ENOX1: variants seen among roughly 807,000 people sequenced by gnomAD.
The protein encoded by ENOX1 is ecto-NOX disulfide-thiol exchanger 1.
In ENOX1, 42 loss-of-function variants were observed where a neutral mutation model predicts 82.5. The ratio of observed to expected loss-of-function variants is 0.51; its 90% confidence interval spans 0.40 to 0.66. The LOEUF (loss-of-function observed/expected upper bound fraction) is 0.66. Ranked by LOEUF, ENOX1 falls within the 30% of genes least tolerant of loss-of-function variation. The pLI, the probability that ENOX1 is intolerant of heterozygous loss-of-function variation, is 0.00. For synonymous variants in ENOX1, 271 were observed against 282.2 expected (o/e 0.96, Z 0.40); for missense variants, 608 against 811.6 (o/e 0.75, Z 3.05).
Position 43,402,868 on chromosome 13 carries a change from A to C in ENOX1, c.208+9048T>G, listed in dbSNP as rs79221595. Among the ~76,000 whole-genome samples the C allele has an allele frequency of 2.5e-3, 378 of 152,234 alleles. 1 individual carries two copies. The highest frequency in any genetic ancestry group is 4.6e-3 in the Non-Finnish European group (314 of 68,002). On this transcript the variant is annotated intron_variant, in intron 5 of 16. Coordinates refer to ENST00000690772, the MANE Select transcript of ENOX1 (RefSeq NM_001347969.2). ...TGGCTTTTCTTTCTACTCTCTGCTG[A>C]ATTAGAATGTCCACTCTGAGCAGAG...
chr13:43,754,217 G>A (rs1024885718), intron 1 of ENOX1, among the ~76,000 whole-genome samples: 1 of 145,504 alleles, frequency 6.9e-6, no homozygotes, highest in Non-Finnish European at 1.5e-5. Context: ...ATATATGTGT[G>A]TACATACATG....
chr13:43,636,038 G>C (rs1319915398), intron 2 of ENOX1, among the ~76,000 whole-genome samples: 1 of 152,122 alleles, frequency 6.6e-6, no homozygotes, highest in Non-Finnish European at 1.5e-5. Flanking sequence ...GCTAGGTAGG[G>C]CTTCATTCCT....
intron 2 of ENOX1, among the ~76,000 whole-genome samples, chr13:43,499,903 A>G (rs568358011): frequency 6.6e-6 from 1 of 152,190 alleles, no homozygotes; most frequent in Admixed American, 6.5e-5. Context: ...ATAAAAAAGA[A>G]CCAAATAGAA....
At chr13:43,479,936 T>TA (rs1430325892) in intron 3 of ENOX1, among the ~76,000 whole-genome samples, 3 of 99,684 alleles carry the variant, frequency 3.0e-5, no homozygotes, top group African/African-American at 1.4e-4. Flanking sequence ...TATTTTTATT[T>TA]TTATTTTTTT....
chr13:43,534,770 G>T (rs1335731385), intron 2 of ENOX1, among the ~76,000 whole-genome samples: 1 of 152,126 alleles, frequency 6.6e-6, no homozygotes, highest in Non-Finnish European at 1.5e-5. Flanking sequence ...CAATGGGGCT[G>T]GGGGGTGTTG....
At chr13:43,493,129 A>T (rs924287524) in intron 2 of ENOX1, among the ~76,000 whole-genome samples, 1 of 151,628 alleles carries the variant, frequency 6.6e-6, no homozygotes, top group Non-Finnish European at 1.5e-5. Context: ...ATATCTTAAG[A>T]TTCTCTCTCT....
intron 12 of ENOX1, among the ~76,000 whole-genome samples, chr13:43,293,176 AC>A (rs892644137): frequency 2.1e-4 from 32 of 151,490 alleles, no homozygotes; most frequent in Non-Finnish European, 3.7e-4. Context: ...TGAGGTTACC[AC>A]CCCCCTCACA....
intron 5 of ENOX1, among the ~76,000 whole-genome samples, chr13:43,366,009 C>A (rs139972070): frequency 6.6e-6 from 1 of 152,202 alleles, no homozygotes; most frequent in Admixed American, 6.5e-5. Flanking sequence ...TGCAGAGAAG[C>A]CACGTGATAC....
intron 2 of ENOX1, among the ~76,000 whole-genome samples, chr13:43,595,522 TA>T (rs1002370322): frequency 6.6e-6 from 1 of 152,198 alleles, no homozygotes; most frequent in African/African-American, 2.4e-5. Flanking sequence ...AATTGAACAT[TA>T]AAATTTTTCT....
At chr13:43,659,409 G>C (rs2153784012) in intron 2 of ENOX1, among the ~76,000 whole-genome samples, 1 of 152,112 alleles carries the variant, frequency 6.6e-6, no homozygotes, top group South Asian at 2.1e-4. Flanking sequence ...AGAATCGCTT[G>C]AGCCTGGGAG....
intron 2 of ENOX1, among the ~76,000 whole-genome samples, chr13:43,513,597 G>A (rs2077451777): frequency 6.6e-6 from 1 of 152,052 alleles, no homozygotes; most frequent in East Asian, 1.9e-4. Flanking sequence ...TGAATCATCT[G>A]TAACAAAACC....
chr13:43,623,646 G>A (rs2082842765), intron 2 of ENOX1, among the ~76,000 whole-genome samples: 1 of 152,074 alleles, frequency 6.6e-6, no homozygotes, highest in Non-Finnish European at 1.5e-5. Flanking sequence ...TCTTGGGATG[G>A]CTGGTTTGCT....
chr13:43,490,337 A>G (rs2076578084), intron 2 of ENOX1, among the ~76,000 whole-genome samples: 1 of 152,200 alleles, frequency 6.6e-6, no homozygotes. Context: ...TTATGCCTTG[A>G]GTCTCACCCA....
intron 3 of ENOX1, among the ~76,000 whole-genome samples, chr13:43,429,854 G>A (rs2055554096): frequency 6.6e-6 from 1 of 152,122 alleles, no homozygotes; most frequent in African/African-American, 2.4e-5. Context: ...ATTATATGAG[G>A]AGAAAAGGTA....
intron 9 of ENOX1, among the ~76,000 whole-genome samples, chr13:43,331,873 G>C (rs185538544): frequency 6.6e-6 from 1 of 152,160 alleles, no homozygotes; most frequent in Non-Finnish European, 1.5e-5. Flanking sequence ...ACATTCACTC[G>C]GGTTCTGGGT....
chr13:43,588,320 C>T (rs970853854), intron 2 of ENOX1, among the ~76,000 whole-genome samples: 1 of 152,110 alleles, frequency 6.6e-6, no homozygotes, highest in African/African-American at 2.4e-5. Flanking sequence ...AGTCTTAGTG[C>T]ATTCAATCAC....
At chr13:43,677,250 C>T (rs1221304034) in intron 1 of ENOX1, among the ~76,000 whole-genome samples, 2 of 152,108 alleles carry the variant, frequency 1.3e-5, no homozygotes, top group Non-Finnish European at 2.9e-5. Context: ...AGAGCCTGCT[C>T]CCAGGAAAAG....
chr13:43,692,500 T>C (rs951540669), intron 1 of ENOX1, among the ~76,000 whole-genome samples: 18 of 152,054 alleles, frequency 1.2e-4, no homozygotes, highest in African/African-American at 4.3e-4. Context: ...AATCAACAAA[T>C]AGAGAAAACT....
intron 1 of ENOX1, among the ~76,000 whole-genome samples, chr13:43,684,889 AT>A (rs1177228293): frequency 6.6e-6 from 1 of 152,120 alleles, no homozygotes; most frequent in African/African-American, 2.4e-5. Flanking sequence ...ACTCAGTCAA[AT>A]CAAAAAAAAT....
Sources: allele counts gnomAD v4.1 joint callset (sites outside exome capture counted in the v4.1 genomes callset), GRCh38; gene constraint gnomAD v4.1.1; transcripts MANE v1.5; gene names NCBI Gene and HGNC (gene_info 2026-07-23, HGNC 2026-07-21).